MACROD2: variants seen among roughly 807,000 people sequenced by gnomAD.
The protein encoded by MACROD2 is mono-ADP ribosylhydrolase 2.
In MACROD2, 36 loss-of-function variants were observed where a neutral mutation model predicts 70.4. The observed-to-expected ratio is 0.51, with a 90% CI of 0.39 to 0.68. The LOEUF is 0.68. MACROD2 is among the 30% of genes least tolerant of loss of function. MACROD2 has a pLI of 0.00. For synonymous variants in MACROD2, 172 were observed against 178.8 expected, an observed-to-expected ratio of 0.96 and a Z score of 0.30; for missense variants, 496 against 538.4, an observed-to-expected ratio of 0.92 and a Z score of 0.78.
At chr20:15,258,413 G>A (rs1370429600) in intron 6 of MACROD2, among the ~76,000 whole-genome samples, 2 of 152,058 alleles carry the variant, frequency 1.3e-5, no homozygotes, top group Non-Finnish European at 2.9e-5. Context: ...ACCCTTTAAA[G>A]AAATCTTTTA....
intron 5 of MACROD2, among the ~76,000 whole-genome samples, chr20:14,897,074 T>G (rs1158883844): frequency 6.6e-6 from 1 of 151,796 alleles, no homozygotes; most frequent in Non-Finnish European, 1.5e-5. Flanking sequence ...GAGCCTGGAG[T>G]TCCTGCACTT....
intron 5 of MACROD2, among the ~76,000 whole-genome samples, chr20:14,910,693 T>G (rs1021143935): frequency 6.6e-6 from 1 of 152,168 alleles, no homozygotes; most frequent in African/African-American, 2.4e-5. Context: ...ACCCATTGAC[T>G]GCTCTTTCTT....
chr20:14,088,111 A>G (rs1278720388), intron 3 of MACROD2, among the ~76,000 whole-genome samples: 3 of 152,026 alleles, frequency 2.0e-5, no homozygotes, highest in African/African-American at 7.2e-5. Flanking sequence ...CTGATGGATC[A>G]TGAGGTCAAG....
At chr20:14,907,076 T>A (rs1185750352) in intron 5 of MACROD2, among the ~76,000 whole-genome samples, 1 of 152,152 alleles carries the variant, frequency 6.6e-6, no homozygotes, top group Non-Finnish European at 1.5e-5. Context: ...GAGTTTTCCA[T>A]AAGACACACC....
chr20:15,252,773 T>C (rs1157063068), intron 6 of MACROD2, among the ~76,000 whole-genome samples: 3 of 152,306 alleles, frequency 2.0e-5, no homozygotes, highest in Admixed American at 6.5e-5. Context: ...ATTGCAGACA[T>C]TCCTGTGACT....
intron 4 of MACROD2, among the ~76,000 whole-genome samples, chr20:14,560,819 A>G (rs927998805): frequency 4.6e-5 from 7 of 151,896 alleles, no homozygotes; most frequent in African/African-American, 1.7e-4. Context: ...CAAGGTTTAT[A>G]TAACAGTAAA....
chr20:14,098,888 T>C (rs1371402558), intron 3 of MACROD2, among the ~76,000 whole-genome samples: 1 of 152,202 alleles, frequency 6.6e-6, no homozygotes. Flanking sequence ...TCTCTTGACT[T>C]TCTGTTGAGC....
At chr20:14,371,455 A>G (rs2083322578) in intron 3 of MACROD2, among the ~76,000 whole-genome samples, 1 of 152,138 alleles carries the variant, frequency 6.6e-6, no homozygotes, top group South Asian at 2.1e-4. Context: ...ATGCTATTGC[A>G]CTCTGCGCTG....
At chr20:15,843,198 GTTA>G (rs1042718005) in intron 8 of MACROD2, among the ~76,000 whole-genome samples, 2 of 152,154 alleles carry the variant, frequency 1.3e-5, no homozygotes, top group African/African-American at 4.8e-5. Flanking sequence ...AAGTGGCCTT[GTTA>G]TTATATGCAT....
intron 4 of MACROD2, among the ~76,000 whole-genome samples, chr20:14,571,644 A>C (rs988379282): frequency 6.6e-6 from 1 of 152,096 alleles, no homozygotes; most frequent in Non-Finnish European, 1.5e-5. Flanking sequence ...GGTCTTAAGC[A>C]TTTTTAATAT....
At chr20:15,316,353 A>G (rs2077810695) in intron 6 of MACROD2, among the ~76,000 whole-genome samples, 1 of 152,098 alleles carries the variant, frequency 6.6e-6, no homozygotes, top group Non-Finnish European at 1.5e-5. Flanking sequence ...ATATGGATAA[A>G]GATATTCCAT....
At chr20:14,046,066 G>C (rs2053469966) in intron 2 of MACROD2, among the ~76,000 whole-genome samples, 1 of 152,142 alleles carries the variant, frequency 6.6e-6, no homozygotes, top group African/African-American at 2.4e-5. Context: ...CACAGTTGGT[G>C]TCCAAAGAAA....
Position 15,597,334 on chromosome 20 carries a change from C to T in MACROD2, c.645+97487C>T, listed in dbSNP as rs192745695. ...TAAAAGATTAGAAATGGTTTATCAG[C>T]TTTTACAGTGGTGCAAAGGGTAGGT... On this transcript the variant is annotated intron_variant, in intron 8 of 17. Coordinates refer to ENST00000684519, the MANE Select transcript of MACROD2 (RefSeq NM_001351661.2). Among the ~76,000 whole-genome samples, 260 of 152,276 alleles carry T rather than the reference C, an allele frequency of 1.7e-3. 1 individual carries two copies. Among genetic ancestry groups the T allele is most frequent in the African/African-American group, 4.6e-3 (191 of 41,552 alleles).
chr20:15,912,571 G>T (rs968978210), intron 10 of MACROD2, among the ~76,000 whole-genome samples: 4 of 152,178 alleles, frequency 2.6e-5, no homozygotes, highest in Admixed American at 2.6e-4. Flanking sequence ...ACAGTGTGTT[G>T]TATTTCCAAA....
At chr20:14,639,880 G>C (rs145348765) in intron 4 of MACROD2, among the ~76,000 whole-genome samples, 267 of 152,176 alleles carry the variant, frequency 1.8e-3, no homozygotes, top group Non-Finnish European at 3.2e-3. Context: ...ACAAGCTCAG[G>C]GTAGGGGATA....
At chr20:15,405,017 AAG>A (rs2045980339) in intron 6 of MACROD2, among the ~76,000 whole-genome samples, 1 of 152,228 alleles carries the variant, frequency 6.6e-6, no homozygotes, top group South Asian at 2.1e-4. Context: ...TGCTAGGAGA[AAG>A]AAGCCAGATA....
In MACROD2 at chr20:14,085,692, A is replaced by G; in HGVS notation, c.235A>G (p.Ile79Val). ...TEKVSLYRGD[I>V]TLLEVDAIVN... ...AAAAGTTTCTCTCTATAGAGGTGAC[A>G]TCACATTGCTAGAGGTAGATGCTAT... The change falls in exon 3 of 18, where the codon ATC (isoleucine) becomes GTC (valine). Residue 79 changes from isoleucine (I) to valine (V), a missense_variant. Ile to Val is a conservative substitution (Grantham distance 29). Transcript: ENST00000684519. 1 of 1,569,084 alleles carries G rather than the reference A, an allele frequency of 6.4e-7. No individual in the cohort carries two copies.
intron 5 of MACROD2, among the ~76,000 whole-genome samples, chr20:15,182,037 A>C (rs1403375423): frequency 6.6e-6 from 1 of 152,180 alleles, no homozygotes; most frequent in African/African-American, 2.4e-5. Context: ...CAGGACCTTC[A>C]CATCTGTTCT....
At chr20:14,336,143 A>T (rs2082932436) in intron 3 of MACROD2, among the ~76,000 whole-genome samples, 2 of 152,284 alleles carry the variant, frequency 1.3e-5, no homozygotes, top group Middle Eastern at 3.4e-3. Context: ...GCAGTCAGAG[A>T]TAAATGAAAG....
Sources: allele counts gnomAD v4.1 joint callset (sites outside exome capture counted in the v4.1 genomes callset), GRCh38; gene constraint gnomAD v4.1.1; transcripts MANE v1.5; gene names NCBI Gene and HGNC (gene_info 2026-07-23, HGNC 2026-07-21).